KIRREL3: variants seen among roughly 807,000 people sequenced by gnomAD.
KIRREL3 encodes kin of IRRE-like protein 3.
A neutral mutation model predicts 89.7 loss-of-function variants in KIRREL3; 36 were observed. That is an observed-to-expected ratio of 0.40 (90% confidence interval 0.31 to 0.53). The LOEUF (loss-of-function observed/expected upper bound fraction) is 0.53. Ranked by LOEUF, KIRREL3 falls within the 20% of genes least tolerant of loss-of-function variation. The probability of loss-of-function intolerance (pLI) is 0.49; values close to 1 mark genes in which losing one functional copy is unlikely to be tolerated. For missense variants in KIRREL3, 864 were observed against 1,056.6 expected (o/e 0.82, Z 2.53); for synonymous variants, 445 against 441.4 (o/e 1.01, Z -0.10).
intron 1 of KIRREL3, among the ~76,000 whole-genome samples, chr11:126,741,561 C>T (rs1237534329): frequency 2.0e-5 from 3 of 152,168 alleles, no homozygotes; most frequent in African/African-American, 4.8e-5. Context: ...ACCTGAGAGT[C>T]CACAACAAGG....
chr11:126,502,765 G>A (rs745324200), intron 4 of KIRREL3, among the ~76,000 whole-genome samples: 13 of 152,212 alleles, frequency 8.5e-5, no homozygotes, highest in Non-Finnish European at 1.8e-4. Context: ...TCCAAAAGGT[G>A]ATCTTTAAAA....
intron 1 of KIRREL3, among the ~76,000 whole-genome samples, chr11:126,911,797 C>T (rs1946827522): frequency 6.6e-6 from 1 of 151,940 alleles, no homozygotes; most frequent in Non-Finnish European, 1.5e-5. Flanking sequence ...TCCTGGCTAA[C>T]ACGGTGAAAC....
chr11:126,614,223 A>G lies in KIRREL3; in HGVS notation c.56-51311T>C, dbSNP rs1003613329. ...TATTGTCGATTTCTCTATGGTATCA[A>G]TGGCATACCCCTTAGATTCCAGTTC... On this transcript the variant is annotated intron_variant, in intron 1 of 16. Transcript: ENST00000525144. This position sits in a 1 kb window ranked among gnomAD's most constrained non-coding sequence, Gnocchi z 4.6. 1.3e-5 allele frequency among the ~76,000 whole-genome samples: 2 copies of G among 152,258 alleles called. No individual in the cohort carries two copies. The highest frequency in any genetic ancestry group is 2.4e-5 in the African/African-American group (1 of 41,542).
In KIRREL3 at chr11:126,655,575, C is replaced by G. The variant is rs1367263108; in HGVS notation, c.56-92663G>C. On this transcript the variant is annotated intron_variant, in intron 1 of 16. Transcript: ENST00000525144. The surrounding 1 kb of genome is among the most constrained non-coding windows in gnomAD (Gnocchi z 5.0). Reference sequence around the variant, plus strand: ...GGGAAGGCAGCTACTGTGTGTCCCCCTGGGGACTGGAACCACTTTGCAAAG... The same window carrying G: ...GGGAAGGCAGCTACTGTGTGTCCCCGTGGGGACTGGAACCACTTTGCAAAG... 6.6e-6 allele frequency among the ~76,000 whole-genome samples: 1 copy of G among 152,202 alleles called. No individual in the cohort carries two copies. The highest frequency in any genetic ancestry group is 1.9e-4 in the East Asian group (1 of 5,188).
chr11:126,950,402 A>C (rs561989424), intron 1 of KIRREL3, among the ~76,000 whole-genome samples: 36 of 152,156 alleles, frequency 2.4e-4, no homozygotes, highest in Non-Finnish European at 3.1e-4. Flanking sequence ...AACAAACAAA[A>C]CCAAAAAACA....
intron 1 of KIRREL3, among the ~76,000 whole-genome samples, chr11:126,907,887 G>A (rs1236641841): frequency 6.6e-6 from 1 of 152,034 alleles, no homozygotes; most frequent in Admixed American, 6.6e-5. Flanking sequence ...CTTGGCATCT[G>A]CTCACCCTCT....
intron 1 of KIRREL3, among the ~76,000 whole-genome samples, chr11:126,923,723 CA>C (rs1233824591): frequency 2.0e-5 from 3 of 152,148 alleles, no homozygotes; most frequent in Admixed American, 2.0e-4. Context: ...GGATTACAGG[CA>C]TGAGCCACCG....
Position 126,568,066 on chromosome 11 carries a change from C to A in KIRREL3, c.56-5154G>T, listed in dbSNP as rs1056960827. 1.3e-5 allele frequency among the ~76,000 whole-genome samples: 2 copies of A among 152,086 alleles called. No homozygotes were observed. Among genetic ancestry groups the A allele is most frequent in the Non-Finnish European group, 2.9e-5 (2 of 68,008 alleles). On this transcript the variant is annotated intron_variant, in intron 1 of 16. Transcript: ENST00000525144. The surrounding 1 kb of genome is among the most constrained non-coding windows in gnomAD (Gnocchi z 4.6). ...AGCACGTCTCTGGAAGCCTATCAAA[C>A]AAGAAACAGAAATTAATGGCAGGCA... is the stretch of plus-strand genomic sequence containing the variant.
Position 126,814,917 on chromosome 11 carries a change from C to G in KIRREL3, c.55+185538G>C, listed in dbSNP as rs924169180. On this transcript the variant is annotated intron_variant, in intron 1 of 16. Coordinates refer to ENST00000525144, the MANE Select transcript of KIRREL3 (RefSeq NM_032531.4). The surrounding 1 kb of genome is among the most constrained non-coding windows in gnomAD (Gnocchi z 4.4). ...CAAACCTGCACATCCTGCCCATGTA[C>G]CCCAGAACTTAAAAGTTGAGAGAAA... Among the ~76,000 whole-genome samples the G allele has an allele frequency of 6.6e-6, 1 of 152,044 alleles. No homozygotes were observed. The highest frequency in any genetic ancestry group is 1.5e-5 in the Non-Finnish European group (1 of 68,000).
At position 126,666,419 on chromosome 11, in the gene KIRREL3, A is replaced by G. The variant is rs1011705703; in HGVS notation, c.56-103507T>C. On this transcript the variant is annotated intron_variant, in intron 1 of 16. Transcript: ENST00000525144. The surrounding 1 kb of genome is among the most constrained non-coding windows in gnomAD (Gnocchi z 4.2). ...ACTGTCTAACCATTTCCTGAAAAAT[A>G]GAGGGCCAACTACCATTAGAGCTCT... 3.3e-5 allele frequency among the ~76,000 whole-genome samples: 5 copies of G among 152,334 alleles called. No homozygotes were observed. Among genetic ancestry groups the G allele is most frequent in the African/African-American group, 1.2e-4 (5 of 41,586 alleles).
chr11:126,752,179 G>A lies in KIRREL3; in HGVS notation c.56-189267C>T, dbSNP rs1003753522. On this transcript the variant is annotated intron_variant, in intron 1 of 16. Coordinates refer to ENST00000525144, the MANE Select transcript of KIRREL3 (RefSeq NM_032531.4). This position sits in a 1 kb window ranked among gnomAD's most constrained non-coding sequence, Gnocchi z 4.8. ...GACGGGGTAAGCTAATGTATTGAAA[G>A]GATTTCCCAGGCTCAGCGTGGGTTG... is the stretch of plus-strand genomic sequence containing the variant. Among the ~76,000 whole-genome samples the A allele has an allele frequency of 6.6e-6, 1 of 151,098 alleles. No homozygotes were observed. Among genetic ancestry groups the A allele is most frequent in the Admixed American group, 6.6e-5 (1 of 15,196 alleles).
chr11:126,687,026 A>ATACTCCTCATTGTC lies in KIRREL3; in HGVS notation c.56-124115_56-124114insGACAATGAGGAGTA, dbSNP rs1946690499. Among the ~76,000 whole-genome samples, 1 of 152,240 alleles carries ATACTCCTCATTGTC rather than the reference A, an allele frequency of 6.6e-6. No individual in the cohort carries two copies. Among genetic ancestry groups the ATACTCCTCATTGTC allele is most frequent in the Non-Finnish European group, 1.5e-5 (1 of 68,040 alleles). On this transcript the variant is annotated intron_variant, in intron 1 of 16. Coordinates refer to ENST00000525144, the MANE Select transcript of KIRREL3 (RefSeq NM_032531.4). This position sits in a 1 kb window ranked among gnomAD's most constrained non-coding sequence, Gnocchi z 4.6. ...GAGGAGTATGGCTAGAAGGCAGGAC[A>ATACTCCTCATTGTC]ATGAGGATGACAGGCCAGAGGTGAG...
intron 7 of KIRREL3, among the ~76,000 whole-genome samples, chr11:126,450,654 T>C (rs1956035622): frequency 2.0e-5 from 3 of 147,904 alleles, no homozygotes; most frequent in South Asian, 2.1e-4. Flanking sequence ...CACGTGTGTG[T>C]GCATGAGTGT....
chr11:126,738,773 G>C (rs1266603706), intron 1 of KIRREL3, among the ~76,000 whole-genome samples: 1 of 152,176 alleles, frequency 6.6e-6, no homozygotes, highest in Non-Finnish European at 1.5e-5. Flanking sequence ...GAGATTTGCT[G>C]CTGCATTAGC....
chr11:126,441,832 G>A lies in KIRREL3; in HGVS notation c.1253-1283C>T, dbSNP rs1207559492. Among the ~76,000 whole-genome samples the A allele has an allele frequency of 3.9e-5, 6 of 152,158 alleles. No homozygotes were observed. Among genetic ancestry groups the A allele is most frequent in the South Asian group, 4.1e-4 (2 of 4,822 alleles). ...GAGGTGGGCGTGGGGGACCCTCCAT[G>A]GCTTTAAGAATGGGCTGAGCGCTGC... On this transcript the variant is annotated intron_variant, in intron 10 of 16. Coordinates refer to ENST00000525144, the MANE Select transcript of KIRREL3 (RefSeq NM_032531.4). This position sits in a 1 kb window ranked among gnomAD's most constrained non-coding sequence, Gnocchi z 5.0.
At chr11:126,941,713 T>C (rs1948452752) in intron 1 of KIRREL3, among the ~76,000 whole-genome samples, 1 of 152,226 alleles carries the variant, frequency 6.6e-6, no homozygotes, top group Non-Finnish European at 1.5e-5. Flanking sequence ...ACTCTCGCAG[T>C]CTTCCCAGAG....
rs1945127224 is a variant in KIRREL3, at chr11:126,872,095, G to A, written c.55+128360C>T. Among the ~76,000 whole-genome samples, 1 of 152,222 alleles carries A rather than the reference G, an allele frequency of 6.6e-6. No homozygotes were observed. The highest frequency in any genetic ancestry group is 6.5e-5 in the Admixed American group (1 of 15,278). Reference sequence around the variant, plus strand: ...ACCTTGCTGATTGGAGCAGGATCTGGTAGAAACAAGGTGCAGTGAACAAGC... The same window carrying A: ...ACCTTGCTGATTGGAGCAGGATCTGATAGAAACAAGGTGCAGTGAACAAGC... On this transcript the variant is annotated intron_variant, in intron 1 of 16. Transcript: ENST00000525144. This position sits in a 1 kb window ranked among gnomAD's most constrained non-coding sequence, Gnocchi z 4.2.
chr11:126,673,798 G>C (rs1223105266), intron 1 of KIRREL3, among the ~76,000 whole-genome samples: 1 of 152,200 alleles, frequency 6.6e-6, no homozygotes, highest in Non-Finnish European at 1.5e-5. Flanking sequence ...GCTCATAGAA[G>C]CAATGAAAGA....
rs1591671918 is a variant in KIRREL3, at chr11:126,521,533, A to C, written c.284-69T>G. The C allele has an allele frequency of 7.1e-6, 10 of 1,410,966 alleles. No individual in the cohort carries two copies. The highest frequency in any genetic ancestry group is 9.6e-6 in the Non-Finnish European group (10 of 1,043,888). The allele number at this position is 1,410,966 out of a possible 1,614,324, so 87.4% of individuals were successfully genotyped here. A position where few individuals can be genotyped will look rare whatever the true frequency, so the allele number is the denominator to read the frequency against. On this transcript the variant is annotated intron_variant, in intron 3 of 16. Coordinates refer to ENST00000525144, the MANE Select transcript of KIRREL3 (RefSeq NM_032531.4). The surrounding 1 kb of genome is among the most constrained non-coding windows in gnomAD (Gnocchi z 4.1). ...GGGGACACCCATGACAAAGAGGCAC[A>C]GAATGGAGGACCCAAGCAGGGGCCA...
Sources: gnomAD v4.1 joint callset for allele counts (sites outside exome capture counted in the v4.1 genomes callset) on GRCh38, gnomAD v4.1.1 for gene constraint, Gnocchi (gnomAD v3.1) non-coding constraint, MANE v1.5 for transcripts, NCBI Gene and HGNC (gene_info 2026-07-23, HGNC 2026-07-21) for gene names.